The following MALRD1 variants were observed in gnomAD, a reference collection of about 807,000 sequenced individuals.
MALRD1 encodes MAM and LDL receptor class A domain containing 1, also known as MAM and LDL-receptor class A domain-containing protein 1.
A neutral mutation model predicts 242.1 loss-of-function variants in MALRD1; 247 were observed. The observed-to-expected ratio is 1.02, with a 90% CI of 0.92 to 1.13. The LOEUF (loss-of-function observed/expected upper bound fraction) is 1.13. MALRD1 is among the 50% of genes most tolerant of loss of function. The pLI, the probability that MALRD1 is intolerant of heterozygous loss-of-function variation, is 0.00. For synonymous variants in MALRD1, 995 were observed against 866.6 expected (o/e 1.15, Z -2.60); for missense variants, 2,989 against 2,533.1 (o/e 1.18, Z -3.86).
chr10:19,539,703 T>C (rs1255862424), intron 32 of MALRD1, among the ~76,000 whole-genome samples: 1 of 151,920 alleles, frequency 6.6e-6, no homozygotes, highest in African/African-American at 2.4e-5. Context: ...TTTTGTATTT[T>C]TGAGACAGGG....
chr10:19,450,219 C>T (rs964290772), intron 28 of MALRD1, 88 bp from the exon 29 acceptor site: 21 of 1,116,402 alleles, frequency 1.9e-5, no homozygotes, highest in Non-Finnish European at 2.5e-5. Flanking sequence ...TCAAATGCTT[C>T]TGAGATAAAT....
intron 1 of MALRD1, among the ~76,000 whole-genome samples, chr10:19,054,080 A>G (rs1403099813): frequency 1.3e-5 from 2 of 152,152 alleles, no homozygotes; most frequent in Non-Finnish European, 2.9e-5. Context: ...AGGGAAATAT[A>G]AGTTGTGGTA....
intron 31 of MALRD1, among the ~76,000 whole-genome samples, chr10:19,527,003 A>T (rs1834130793): frequency 6.6e-6 from 1 of 152,098 alleles, no homozygotes; most frequent in South Asian, 2.1e-4. Flanking sequence ...AAAGACACAC[A>T]CCCCATTAGA....
At chr10:19,094,999 C>G (rs1244695714) in intron 4 of MALRD1, among the ~76,000 whole-genome samples, 1 of 152,072 alleles carries the variant, frequency 6.6e-6, no homozygotes, top group East Asian at 1.9e-4. Context: ...TTCCTTAAAA[C>G]TTTCTAATCT....
chr10:19,119,547 G>C (rs1836990226), intron 5 of MALRD1, among the ~76,000 whole-genome samples: 2 of 152,112 alleles, frequency 1.3e-5, no homozygotes, highest in Admixed American at 1.3e-4. Flanking sequence ...TGCTCAGTCG[G>C]TTCCTGGGTT....
rs564719309 is a variant in MALRD1 at position 19,408,064 on chromosome 10, C to T, written c.4845+18455C>T. Among the ~76,000 whole-genome samples, 3 of 152,100 alleles carry T rather than the reference C, an allele frequency of 2.0e-5. No individual in the cohort carries two copies. The South Asian group carries it at 6.2e-4, about 32-fold the overall frequency. ...TTATTATATTATGGGTAACATCAGC[C>T]AGAGAGATGATAGTCAAACCTCAGC... On this transcript the variant is annotated intron_variant, in intron 28 of 39. Coordinates refer to ENST00000454679, the MANE Select transcript of MALRD1 (RefSeq NM_001142308.3).
At chr10:19,496,842 C>A (rs142370722) in intron 30 of MALRD1, among the ~76,000 whole-genome samples, 1 of 151,952 alleles carries the variant, frequency 6.6e-6, no homozygotes, top group South Asian at 2.1e-4. Flanking sequence ...AATTGAAGGA[C>A]GTGGAAAAAT....
At chr10:19,513,510 C>T (rs1457786427) in intron 31 of MALRD1, among the ~76,000 whole-genome samples, 16 of 150,216 alleles carry the variant, frequency 1.1e-4, no homozygotes, top group African/African-American at 2.5e-4. Context: ...GAGGCCGAGG[C>T]GGGCGGATCA....
At chr10:19,077,158 A>G (rs528697474) in intron 2 of MALRD1, among the ~76,000 whole-genome samples, 41 of 152,058 alleles carry the variant, frequency 2.7e-4, no homozygotes, top group African/African-American at 9.6e-4. Flanking sequence ...CTATATACTT[A>G]CCAACTTTTA....
At chr10:19,674,642 G>A (rs541710212) in intron 36 of MALRD1, among the ~76,000 whole-genome samples, 2 of 152,184 alleles carry the variant, frequency 1.3e-5, no homozygotes, top group African/African-American at 2.4e-5. Flanking sequence ...GGAAATAAGA[G>A]GCCAGAATAT....
At chr10:19,327,047 G>T (rs769986081) in intron 22 of MALRD1, among the ~76,000 whole-genome samples, 14 of 152,034 alleles carry the variant, frequency 9.2e-5, no homozygotes, top group Non-Finnish European at 1.9e-4. Context: ...TGGCTGTTGG[G>T]CAGGAAGCTC....
At position 19,298,797 on chromosome 10, in the gene MALRD1, G is replaced by A. The variant is rs112433736; in HGVS notation, c.3419+15616G>A. 1.7e-3 allele frequency among the ~76,000 whole-genome samples: 259 copies of A among 152,002 alleles called. 1 individual carries two copies. Among genetic ancestry groups the A allele is most frequent in the Non-Finnish European group, 2.9e-3 (199 of 67,944 alleles). On this transcript the variant is annotated intron_variant, in intron 21 of 39. Transcript: ENST00000454679. ...AAACCTCAAAGCACAACTTTAATCA[G>A]TTCACTCCATATTTAAGATGTTTTG...
chr10:19,305,460 T>C lies in MALRD1; in HGVS notation c.3420-18489T>C, dbSNP rs541796999. Among the ~76,000 whole-genome samples the C allele has an allele frequency of 2.1e-4, 32 of 151,530 alleles. No homozygotes were observed. The South Asian group carries it at 5.8e-3, about 28-fold the overall frequency. On this transcript the variant is annotated intron_variant, in intron 21 of 39. Transcript: ENST00000454679. ...CCTAATATGCTCTAATACGAGGCAC[T>C]GGGGAGTTATTCTTAGAGCATAAAT...
intron 33 of MALRD1, among the ~76,000 whole-genome samples, chr10:19,573,118 TCTGGGAAGGGACCCCA>T (rs1836643896): frequency 1.3e-5 from 2 of 152,318 alleles, no homozygotes; most frequent in South Asian, 4.1e-4. Context: ...TTGTTTGCTG[TCTGGGAAGGGACCCCA>T]CTGAGCCATG....
chr10:19,266,573 TAAATTCA>T (rs1305991269), intron 19 of MALRD1, among the ~76,000 whole-genome samples: 3 of 151,806 alleles, frequency 2.0e-5, no homozygotes, highest in African/African-American at 7.2e-5. Context: ...AAAATAATTC[TAAATTCA>T]GGATACAGAA....
intron 31 of MALRD1, among the ~76,000 whole-genome samples, chr10:19,524,856 C>G (rs1042856380): frequency 2.6e-5 from 4 of 151,910 alleles, no homozygotes; most frequent in Non-Finnish European, 4.4e-5. Context: ...GGCACTGAAG[C>G]TGTCAAAGCA....
At chr10:19,172,894 G>A (rs1835072924) in intron 13 of MALRD1, among the ~76,000 whole-genome samples, 1 of 151,940 alleles carries the variant, frequency 6.6e-6, no homozygotes, top group Non-Finnish European at 1.5e-5. Context: ...CAATACTTGT[G>A]TATATTTTAC....
At chr10:19,165,880 A>G (rs1203769742) in intron 13 of MALRD1, 70 bp downstream of exon 13, 14 of 1,119,148 alleles carry the variant, frequency 1.3e-5, no homozygotes, top group Non-Finnish European at 1.6e-5. Context: ...TCAGATAACA[A>G]TATAACACAC....
chr10:19,531,848 A>G (rs867766594), intron 32 of MALRD1, among the ~76,000 whole-genome samples: 1 of 152,228 alleles, frequency 6.6e-6, no homozygotes, highest in African/African-American at 2.4e-5. Context: ...CTTTAATGAA[A>G]TAAGTTGCTG....
Sources: gnomAD v4.1 joint callset for allele counts (sites outside exome capture counted in the v4.1 genomes callset) on GRCh38, gnomAD v4.1.1 for gene constraint, MANE v1.5 for transcripts, NCBI Gene and HGNC (gene_info 2026-07-23, HGNC 2026-07-21) for gene names.